The following NLN variants were observed in gnomAD, a reference collection of about 807,000 sequenced individuals.
NLN encodes the protein neurolysin, mitochondrial.
A neutral mutation model predicts 79.9 loss-of-function variants in NLN; 64 were observed. That is an observed-to-expected ratio of 0.80 (90% CI 0.65 to 0.99). The LOEUF is 0.99. Among genes scored for constraint, NLN ranks in the 50% least tolerant of loss-of-function variants. The pLI is 0.00. For missense variants in NLN, 835 were observed against 858.7 expected (o/e 0.97, Z 0.34); for synonymous variants, 267 against 296.6 (o/e 0.90, Z 1.02).
Position 65,790,495 on chromosome 5 carries a change from G to A in NLN, c.1326-1959G>A, listed in dbSNP as rs577557478. ...CAAACACATCCTTCTTCACGTGGCGGCAGGAAGGGGAAGTGCCAAGCCAAC... is the reference window on the plus strand; with the variant it reads ...CAAACACATCCTTCTTCACGTGGCGACAGGAAGGGGAAGTGCCAAGCCAAC... On this transcript the variant is annotated intron_variant, in intron 8 of 12. Transcript: ENST00000380985. Among the ~76,000 whole-genome samples, 3 of 152,324 alleles carry A rather than the reference G, an allele frequency of 2.0e-5. No homozygotes were observed. The East Asian group carries it at 5.8e-4, about 29-fold the overall frequency.
chr5:65,781,872 C>CA (rs1052954236), intron 6 of NLN, among the ~76,000 whole-genome samples: 4 of 152,176 alleles, frequency 2.6e-5, no homozygotes, highest in African/African-American at 9.7e-5. Flanking sequence ...GCCTGAAGCT[C>CA]AAAGACCAGG....
At chr5:65,757,128 C>T (rs1253136007) in intron 1 of NLN, among the ~76,000 whole-genome samples, 1 of 152,100 alleles carries the variant, frequency 6.6e-6, no homozygotes, top group Non-Finnish European at 1.5e-5. Context: ...GCCATTTATC[C>T]ACATTGCCTG....
At chr5:65,735,263 A>G (rs1758706640) in intron 1 of NLN, among the ~76,000 whole-genome samples, 1 of 152,144 alleles carries the variant, frequency 6.6e-6, no homozygotes. Context: ...AATCAATTAA[A>G]CCTGTTTCAT....
intron 1 of NLN, among the ~76,000 whole-genome samples, chr5:65,751,276 AT>A (rs1335449440): frequency 6.6e-6 from 1 of 152,210 alleles, no homozygotes; most frequent in African/African-American, 2.4e-5. Flanking sequence ...AAGTTGTAAA[AT>A]TTTACATAAT....
At chr5:65,793,011 A>G in intron 9 of NLN, 1 of 363,740 alleles carries the variant, frequency 2.7e-6, no homozygotes, top group East Asian at 7.3e-5. Flanking sequence ...CTGCTTATCA[A>G]TGCTTTGTTT....
chr5:65,817,106 G>T (rs1760687037), intron 12 of NLN, among the ~76,000 whole-genome samples: 1 of 152,038 alleles, frequency 6.6e-6, no homozygotes, highest in Admixed American at 6.6e-5. Context: ...ATATTTTAGG[G>T]TATAGTTTTC....
At chr5:65,747,410 T>C (rs1759005282) in intron 1 of NLN, among the ~76,000 whole-genome samples, 1 of 152,172 alleles carries the variant, frequency 6.6e-6, no homozygotes, top group Admixed American at 6.5e-5. Flanking sequence ...CAGAGCCTGC[T>C]ATGAGAATAG....
chr5:65,766,940 C>G (rs1044303612), intron 3 of NLN, among the ~76,000 whole-genome samples: 4 of 152,262 alleles, frequency 2.6e-5, no homozygotes, highest in African/African-American at 7.2e-5. Flanking sequence ...CCAGGGCGCA[C>G]TGATCCAAGG....
rs73099398 is a variant in NLN, at chr5:65,758,102, G to A, written c.42-465G>A. Among the ~76,000 whole-genome samples, 1,446 of 152,126 alleles carry A rather than the reference G, an allele frequency of 9.5e-3. 29 individuals carry two copies. The highest frequency in any genetic ancestry group is 0.033 in the African/African-American group (1,387 of 41,518). On this transcript the variant is annotated intron_variant, in intron 1 of 12. Coordinates refer to ENST00000380985, the MANE Select transcript of NLN (RefSeq NM_020726.5). ...TTTTAAAAATTAGCTCGGCATGGTG[G>A]TATGTCCCCTGTAGTTTCAGCTACT...
At chr5:65,766,484 C>T (rs779664678) in intron 3 of NLN, among the ~76,000 whole-genome samples, 15 of 152,186 alleles carry the variant, frequency 9.9e-5, no homozygotes, top group Admixed American at 2.0e-4. Flanking sequence ...GATCCATTCA[C>T]TTCCCACCAG....
chr5:65,778,233 C>T (rs1271327590), intron 4 of NLN, among the ~76,000 whole-genome samples: 1 of 152,162 alleles, frequency 6.6e-6, no homozygotes, highest in Non-Finnish European at 1.5e-5. Flanking sequence ...TTTCTTTTGT[C>T]TAATGCCAGT....
chr5:65,751,143 A>G (rs1164923169), intron 1 of NLN, among the ~76,000 whole-genome samples: 1 of 152,226 alleles, frequency 6.6e-6, no homozygotes, highest in East Asian at 1.9e-4. Flanking sequence ...TACTAGGAAT[A>G]TTTGCCAAGT....
chr5:65,768,785 G>A (rs1759507276), intron 3 of NLN, among the ~76,000 whole-genome samples: 3 of 152,226 alleles, frequency 2.0e-5, no homozygotes, highest in South Asian at 2.1e-4. Context: ...ACAGGAAGGC[G>A]AGGGGAGAGA....
chr5:65,726,216 A>T (rs953940795), intron 1 of NLN, among the ~76,000 whole-genome samples: 7 of 152,174 alleles, frequency 4.6e-5, no homozygotes, highest in African/African-American at 1.7e-4. Context: ...AATCCTCAGG[A>T]CAACCCTTAT....
At chr5:65,822,073 G>A (rs1174243942) in intron 12 of NLN, among the ~76,000 whole-genome samples, 1 of 152,170 alleles carries the variant, frequency 6.6e-6, no homozygotes, top group Admixed American at 6.5e-5. Context: ...ACAGTGAAAG[G>A]GAAGTGAAAA....
Position 65,821,580 on chromosome 5 carries a change from G to T in NLN, c.1981-1201G>T, listed in dbSNP as rs142749671. The stretch of plus-strand genomic sequence containing the variant: ...CTTTAACTTTAAAAAAATGTGGTTA[G>T]TAGAAAGTTTAAAGTTACATATGTG... On this transcript the variant is annotated intron_variant, in intron 12 of 12. Transcript: ENST00000380985. Among the ~76,000 whole-genome samples, 20 of 152,236 alleles carry T rather than the reference G, an allele frequency of 1.3e-4. No homozygotes were observed. In the East Asian group the frequency reaches 3.9e-3, roughly 29 times the overall value.
intron 12 of NLN, among the ~76,000 whole-genome samples, chr5:65,821,957 C>G (rs1394098318): frequency 6.6e-6 from 1 of 152,154 alleles, no homozygotes; most frequent in Admixed American, 6.5e-5. Flanking sequence ...TCCTTTTGAT[C>G]AAGTGATATA....
rs146242783 is a variant in NLN, at chr5:65,787,254, ATG to A, written c.959-844_959-843del. ...TCTCTCTTTATATATATATATATGT[ATG>A]TGTGTGTGTGTGTGTGTGTATACAT... On this transcript the variant is annotated intron_variant, in intron 7 of 12. Transcript: ENST00000380985. Among the ~76,000 whole-genome samples the A allele has an allele frequency of 4.9e-3, 731 of 148,886 alleles. 10 individuals are homozygous for A. The highest frequency in any genetic ancestry group is 0.016 in the African/African-American group (637 of 40,466).
chr5:65,738,933 T>C (rs930672002), intron 1 of NLN, among the ~76,000 whole-genome samples: 7 of 95,734 alleles, frequency 7.3e-5, no homozygotes, highest in Admixed American at 1.9e-4. Context: ...TGTGTGTATA[T>C]ATATTTTTTA....
Sources: allele counts gnomAD v4.1 joint callset (sites outside exome capture counted in the v4.1 genomes callset), GRCh38; gene constraint gnomAD v4.1.1; transcripts MANE v1.5; gene names NCBI Gene and HGNC (gene_info 2026-07-23, HGNC 2026-07-21).